The following PDE4D variants were observed in gnomAD, a reference collection of about 807,000 sequenced individuals.
PDE4D encodes the protein 3',5'-cyclic-AMP phosphodiesterase 4D.
In PDE4D, 24 loss-of-function variants were observed where a neutral mutation model predicts 87.4. The observed-to-expected ratio is 0.27, with a 90% CI of 0.20 to 0.39. The LOEUF (loss-of-function observed/expected upper bound fraction) is 0.39, where lower values mean the gene tolerates loss of function less well. PDE4D is among the 10% of genes least tolerant of loss of function. The probability of loss-of-function intolerance (pLI) is 1.00; values close to 1 mark genes in which losing one functional copy is unlikely to be tolerated. For missense variants in PDE4D, 714 were observed against 1,041.0 expected, an observed-to-expected ratio of 0.69 and a Z score of 4.32; for synonymous variants, 384 against 383.2, an observed-to-expected ratio of 1.00 and a Z score of -0.02.
chr5:59,949,187 T>C (rs1207339452), intron 3 of PDE4D, among the ~76,000 whole-genome samples: 3 of 152,172 alleles, frequency 2.0e-5, no homozygotes, highest in Non-Finnish European at 4.4e-5. Flanking sequence ...ATCCCAGCAC[T>C]TTGGGAGGCC....
At chr5:60,130,987 G>C (rs749600883) in intron 2 of PDE4D, among the ~76,000 whole-genome samples, 72 of 152,252 alleles carry the variant, frequency 4.7e-4, no homozygotes, top group Middle Eastern at 3.4e-3. Flanking sequence ...AAGTGAAATA[G>C]TTAAGATTAC....
At chr5:59,675,854 T>A (rs912750110) in intron 1 of PDE4D, among the ~76,000 whole-genome samples, 1 of 152,020 alleles carries the variant, frequency 6.6e-6, no homozygotes, top group Non-Finnish European at 1.5e-5. Context: ...AACACCTGGA[T>A]AATTTTTTTG....
intron 5 of PDE4D, among the ~76,000 whole-genome samples, chr5:59,120,947 C>A (rs532388496): frequency 6.6e-6 from 1 of 152,068 alleles, no homozygotes; most frequent in African/African-American, 2.4e-5. Context: ...ATAAAGGCAC[C>A]AAGAATATAC....
chr5:59,581,048 C>T (rs1382333192), intron 1 of PDE4D, among the ~76,000 whole-genome samples: 1 of 152,110 alleles, frequency 6.6e-6, no homozygotes, highest in Non-Finnish European at 1.5e-5. Flanking sequence ...ACTTCTCAAA[C>T]AACTGGAAAC....
In PDE4D at chr5:59,218,463, G is replaced by A. The variant is rs143324232; in HGVS notation, c.456-2495C>T. 9.5e-3 allele frequency among the ~76,000 whole-genome samples: 1,442 copies of A among 152,130 alleles called. 18 individuals carry two copies. The highest frequency in any genetic ancestry group is 0.011 in the Non-Finnish European group (779 of 67,990). The stretch of plus-strand genomic sequence containing the variant: ...CTAAATACCTTAAGTCATTTAGATA[G>A]TTATGATATTTTTAAATCTTACAAC... On this transcript the variant is annotated intron_variant, in intron 1 of 14. Coordinates refer to ENST00000340635, the MANE Select transcript of PDE4D (RefSeq NM_001104631.2).
chr5:59,882,174 A>G (rs953340493), intron 1 of PDE4D, among the ~76,000 whole-genome samples: 2 of 152,182 alleles, frequency 1.3e-5, no homozygotes, highest in Non-Finnish European at 2.9e-5. Flanking sequence ...TACTTCTCAA[A>G]CATCTGATAA....
chr5:60,025,962 G>T (rs1344326018), intron 2 of PDE4D, among the ~76,000 whole-genome samples: 3 of 152,096 alleles, frequency 2.0e-5, no homozygotes, highest in Non-Finnish European at 4.4e-5. Context: ...GGTCACATGG[G>T]ATTGTCTAGT....
At chr5:60,114,155 T>C (rs963559296) in intron 2 of PDE4D, among the ~76,000 whole-genome samples, 2 of 152,140 alleles carry the variant, frequency 1.3e-5, no homozygotes, top group African/African-American at 4.8e-5. Flanking sequence ...TAACTAGTAG[T>C]ATTTCATAGA....
intron 1 of PDE4D, among the ~76,000 whole-genome samples, chr5:59,287,740 G>A (rs1767264428): frequency 6.6e-6 from 1 of 151,740 alleles, no homozygotes; most frequent in African/African-American, 2.4e-5. Context: ...GAGAGAGACA[G>A]ACAGACAGAC....
At chr5:59,153,404 C>A (rs1331646386) in intron 5 of PDE4D, among the ~76,000 whole-genome samples, 2 of 152,204 alleles carry the variant, frequency 1.3e-5, no homozygotes, top group African/African-American at 4.8e-5. Context: ...TCGCTTCTCA[C>A]ATTTTCCTCA....
At chr5:60,090,929 C>T (rs190295776) in intron 2 of PDE4D, among the ~76,000 whole-genome samples, 1 of 152,200 alleles carries the variant, frequency 6.6e-6, no homozygotes, top group East Asian at 1.9e-4. Flanking sequence ...ATTTACAATA[C>T]TTACACACAC....
chr5:60,421,035 C>A (rs1209466432), intron 1 of PDE4D, among the ~76,000 whole-genome samples: 4 of 152,204 alleles, frequency 2.6e-5, no homozygotes, highest in African/African-American at 9.6e-5. Flanking sequence ...GGCCAGGAAG[C>A]TGGAACTGGG....
chr5:59,796,982 G>C (rs1003294840), intron 1 of PDE4D: 2 of 152,092 alleles, frequency 1.3e-5, no homozygotes, highest in African/African-American at 4.8e-5. Flanking sequence ...AATCACCTTT[G>C]AATAAACTTA....
At position 58,993,376 on chromosome 5, in the gene PDE4D, G is replaced by A. The variant is rs762954107; in HGVS notation, c.1011C>T (p.Phe337=). The stretch of plus-strand genomic sequence containing the variant: ...ATTGCATGTTGTTATTCTCACCTAA[G>A]AATGTGTTTGATATAAACTCTGACA... ...NQVSEFISNT[F]LDKQHEVEIP... Residue 337 remains phenylalanine (F), a synonymous_variant, in exon 7 of 15, where the codon TTC becomes TTT. Transcript: ENST00000340635. 16 of 1,542,118 alleles carry A rather than the reference G, an allele frequency of 1.0e-5. No homozygotes were observed. The Middle Eastern group carries it at 5.1e-4, about 49-fold the overall frequency.
At chr5:59,549,649 T>C (rs1021716806) in intron 1 of PDE4D, among the ~76,000 whole-genome samples, 2 of 152,140 alleles carry the variant, frequency 1.3e-5, no homozygotes, top group Non-Finnish European at 2.9e-5. Context: ...AAGAATTCTA[T>C]AGGGGAATAT....
At chr5:59,199,630 C>A (rs1321566427) in intron 2 of PDE4D, among the ~76,000 whole-genome samples, 1 of 152,066 alleles carries the variant, frequency 6.6e-6, no homozygotes, top group African/African-American at 2.4e-5. Flanking sequence ...TTGACAACTT[C>A]TTTTAGAATT....
At chr5:59,794,210 C>T (rs1766190120) in intron 1 of PDE4D, among the ~76,000 whole-genome samples, 1 of 151,640 alleles carries the variant, frequency 6.6e-6, no homozygotes, top group African/African-American at 2.4e-5. Flanking sequence ...TGAGGTAATT[C>T]AACAAGCCCT....
intron 1 of PDE4D, among the ~76,000 whole-genome samples, chr5:60,303,558 C>T (rs1322108762): frequency 3.3e-5 from 5 of 150,554 alleles, no homozygotes; most frequent in Non-Finnish European, 4.4e-5. Context: ...CCGCCCGTCT[C>T]GGCCTCCCAA....
rs139031999 is a variant in PDE4D at position 59,980,401 on chromosome 5, G to A, written c.272+8087C>T. 1.8e-4 allele frequency among the ~76,000 whole-genome samples: 27 copies of A among 152,322 alleles called. No individual in the cohort carries two copies. In the East Asian group the frequency reaches 3.7e-3, roughly 21 times the overall value. On this transcript the variant is annotated intron_variant, in intron 3 of 16. Coordinates refer to the PDE4D transcript ENST00000502484. Reference sequence around the variant, plus strand: ...GTAAAATAAATGCTTCCTTGGGTTTGCCTTAAAAAATATGGGATTCCCCAA... The same window carrying A: ...GTAAAATAAATGCTTCCTTGGGTTTACCTTAAAAAATATGGGATTCCCCAA...
Sources: allele counts gnomAD v4.1 joint callset (sites outside exome capture counted in the v4.1 genomes callset), GRCh38; gene constraint gnomAD v4.1.1; transcripts MANE v1.5; gene names NCBI Gene and HGNC (gene_info 2026-07-23, HGNC 2026-07-21).